SLC5A2: variants seen among roughly 807,000 people sequenced by gnomAD.
SLC5A2 encodes solute carrier family 5 member 2, also known as sodium/glucose cotransporter 2.
Under a neutral mutation model 69.0 loss-of-function variants are expected in SLC5A2, and 67 were observed. The observed-to-expected ratio is 0.97, with a 90% CI of 0.80 to 1.19. The LOEUF is 1.19. Ranked by LOEUF, SLC5A2 falls within the 50% of genes most tolerant of loss-of-function variation. The pLI, the probability that SLC5A2 is intolerant of heterozygous loss-of-function variation, is 0.00. For synonymous variants in SLC5A2, 455 were observed against 395.8 expected (o/e 1.15, Z -1.78); for missense variants, 1,001 against 921.5 (o/e 1.09, Z -1.12).
intron 2 of SLC5A2, 24 bp downstream of exon 2, chr16:31,484,768 G>T: frequency 6.2e-7 from 1 of 1,611,000 alleles, no homozygotes. Flanking sequence ...GGCCGGGAAC[G>T]GGAGGGGCCT....
rs748207966 is a variant in SLC5A2, at chr16:31,483,204, C to T, written c.68C>T (p.Pro23Leu). 3.1e-5 allele frequency: 50 copies of T among 1,613,964 alleles called. No homozygotes were observed. The highest frequency in any genetic ancestry group is 1.8e-4 in the Admixed American group (11 of 59,998). ...MGAQKALIDN[P>L]ADILVIAAYF... ...GCCCAGAAGGCCCTGATTGACAATC[C>T]TGCTGACATCCTAGTCATTGCTGCA... Residue 23 changes from proline to leucine, a missense_variant, in exon 1 of 14, where the codon CCT (proline) becomes CTT (leucine). Pro to Leu is a moderately conservative substitution (Grantham distance 98). Transcript: ENST00000330498.
rs1228607965 is a variant in SLC5A2, at chr16:31,489,026, T to C, written c.1427T>C (p.Phe476Ser). 6.2e-7 allele frequency: 1 copy of C among 1,600,654 alleles called. No homozygotes were observed. Among genetic ancestry groups the C allele is most frequent in the African/African-American group, 1.3e-5 (1 of 74,940 alleles). The change falls in exon 11 of 14, where the codon TTC becomes TCC. Residue 476 changes from phenylalanine (F) to serine (S), a missense_variant. Coordinates refer to ENST00000330498, the MANE Select transcript of SLC5A2 (RefSeq NM_003041.4). ...PVSAVFVLALFVPRVNEQGAF... is the reference protein window; with the variant it reads ...PVSAVFVLALSVPRVNEQGAF... ...TCCGCCGTCTTCGTGCTGGCGCTCT[T>C]CGTGCCGCGCGTTAATGAGCAGGTG...
Position 31,484,744 on chromosome 16 carries a change from G to A in SLC5A2, c.198G>A (p.Pro66=), listed in dbSNP as rs780951892. 19 of 1,610,410 alleles carry A rather than the reference G, an allele frequency of 1.2e-5. No homozygotes were observed. The highest frequency in any genetic ancestry group is 2.7e-5 in the African/African-American group (2 of 74,936). ...CAGGACGCAGCATGGTGTGGTGGCC[G>A]GTGAGACGGGCTGGGCCGGGAACGG... is the stretch of plus-strand genomic sequence containing the variant. ...FLAGRSMVWW[P]VGASLFASNI... Residue 66 remains proline (P), a splice_region_variant and synonymous_variant, in exon 2 of 14, where the codon CCG becomes CCA. Transcript: ENST00000330498.
Position 31,484,932 on chromosome 16 carries a change from C to T in SLC5A2, c.303+9C>T. On this transcript the variant is annotated intron_variant, in intron 3 of 13. Coordinates refer to ENST00000330498, the MANE Select transcript of SLC5A2 (RefSeq NM_003041.4). ...CTGGATTCGAGTGGAATGTGAGGCC[C>T]TCTTTTTTCCAATAACCCCACCCTC... 2 of 1,612,048 alleles carry T rather than the reference C, an allele frequency of 1.2e-6. No homozygotes were observed. The highest frequency in any genetic ancestry group is 1.7e-6 in the Non-Finnish European group (2 of 1,178,440).
At chr16:31,485,145 C>A (rs953918590) in intron 3 of SLC5A2, 2 of 635,112 alleles carry the variant, frequency 3.1e-6, no homozygotes, top group Admixed American at 4.5e-5. Flanking sequence ...TGTGAGCCAG[C>A]CTGCACCAGC....
chr16:31,490,014 C>A, intron 12 of SLC5A2, 90 bp from the exon 13 acceptor site: 3 of 1,551,124 alleles, frequency 1.9e-6, no homozygotes, highest in South Asian at 1.1e-5. Flanking sequence ...GTGGGTAGGG[C>A]AGGCAGTGAC....
rs149525864 is a variant in SLC5A2, at chr16:31,490,211, G to T, written c.1773G>T (p.Glu591Asp). ...SSLPVQNGCP[E>D]SAMEMNEPQA... is the part of the protein sequence containing the mutation. Reference sequence around the variant, plus strand: ...TCCCTGTACAGAATGGGTGCCCAGAGAGTGCCATGGAGATGAATGGTAGGG... The same window carrying T: ...TCCCTGTACAGAATGGGTGCCCAGATAGTGCCATGGAGATGAATGGTAGGG... The change falls in exon 13 of 14, where the codon GAG (glutamate) becomes GAT (aspartate). Residue 591 changes from glutamate to aspartate, a missense_variant. By Grantham distance (45) the Glu-to-Asp change is conservative. Coordinates refer to ENST00000330498, the MANE Select transcript of SLC5A2 (RefSeq NM_003041.4). 1.2e-3 allele frequency: 1,999 copies of T among 1,614,194 alleles called. 7 individuals carry two copies. The highest frequency in any genetic ancestry group is 1.5e-3 in the Non-Finnish European group (1,824 of 1,180,028).
At chr16:31,485,328 C>T (rs948915927) in intron 3 of SLC5A2, 14 of 441,320 alleles carry the variant, frequency 3.2e-5, no homozygotes, top group African/African-American at 2.6e-4. Context: ...GACTGAGGCT[C>T]CTGTTGGAGG....
At chr16:31,489,838 A>C in intron 12 of SLC5A2, 1 of 495,120 alleles carries the variant, frequency 2.0e-6, no homozygotes, top group Non-Finnish European at 3.7e-6. Flanking sequence ...CACAAGCGCT[A>C]CCATCTGGGT....
At chr16:31,485,685 G>T in intron 3 of SLC5A2, 44 bp from the exon 4 acceptor site, 1 of 1,606,642 alleles carries the variant, frequency 6.2e-7, no homozygotes, top group Non-Finnish European at 8.5e-7. Flanking sequence ...GATCCTCAGG[G>T]ATGAGGGCAA....
At chr16:31,489,850 T>C in intron 12 of SLC5A2, 1 of 522,984 alleles carries the variant, frequency 1.9e-6, no homozygotes, top group South Asian at 1.9e-5. Flanking sequence ...CATCTGGGTG[T>C]AGACAGACCT....
chr16:31,485,673 C>T, intron 3 of SLC5A2, 56 bp from the exon 4 acceptor site: 1 of 1,601,368 alleles, frequency 6.2e-7, no homozygotes, highest in Non-Finnish European at 8.5e-7. Flanking sequence ...ACGAAGAGGT[C>T]AGATCCTCAG....
In SLC5A2 at chr16:31,490,711, G is replaced by C. The variant is rs2082559492; in HGVS notation, c.*176G>C. The stretch of plus-strand genomic sequence containing the variant: ...TCTGATTGGCAGTCACTTCCCATGA[G>C]GGCCTGGCCCACCCGCTGCAGTTGC... On this transcript the variant is annotated 3_prime_UTR_variant, in exon 14 of 14. Coordinates refer to ENST00000330498, the MANE Select transcript of SLC5A2 (RefSeq NM_003041.4). 1.6e-6 allele frequency: 2 copies of C among 1,214,924 alleles called. No homozygotes were observed. Among genetic ancestry groups the C allele is most frequent in the Admixed American group, 1.8e-5 (1 of 55,422 alleles). 75.3% of individuals were successfully genotyped at this position (1,214,924 alleles called of 1,614,324 possible).
intron 5 of SLC5A2, 62 bp downstream of exon 5, chr16:31,486,337 G>A: frequency 1.5e-6 from 2 of 1,320,456 alleles, no homozygotes; most frequent in East Asian, 2.3e-5. Flanking sequence ...TGTGGCCAGG[G>A]TTTAGGGAGC....
intron 1 of SLC5A2, among the ~76,000 whole-genome samples, chr16:31,484,238 ACACACACACACACACACACG>A (rs915794061): frequency 6.7e-6 from 1 of 149,688 alleles, no homozygotes; most frequent in African/African-American, 2.5e-5. Flanking sequence ...ACACACACAC[ACACACACACACACACACACG>A]CACACACACA....
Position 31,488,785 on chromosome 16 carries a change from C to G in SLC5A2, c.1280+13C>G. The G allele has an allele frequency of 3.1e-6, 5 of 1,597,078 alleles. No individual in the cohort carries two copies. The highest frequency in any genetic ancestry group is 1.7e-5 in the Admixed American group (1 of 58,800). On this transcript the variant is annotated intron_variant, in intron 10 of 13. Transcript: ENST00000330498. ...TGCTGGTGGGACGGTGCGGCCTGGGCTCCCCTCCTCCCCAACGGATCAGCC... is the reference window on the plus strand; with the variant it reads ...TGCTGGTGGGACGGTGCGGCCTGGGGTCCCCTCCTCCCCAACGGATCAGCC...
chr16:31,488,213 G>T, intron 8 of SLC5A2, 40 bp downstream of exon 8: 1 of 1,613,748 alleles, frequency 6.2e-7, no homozygotes, highest in South Asian at 1.1e-5. Context: ...GCCAGCAACC[G>T]GGCGCCCGTC....
At chr16:31,487,839 C>A (rs2082511164) in intron 7 of SLC5A2, 80 bp downstream of exon 7, 8 of 1,464,160 alleles carry the variant, frequency 5.5e-6, no homozygotes, top group Non-Finnish European at 7.4e-6. Context: ...CCCGCCTTCC[C>A]CACAACGGTC....
intron 3 of SLC5A2, chr16:31,485,241 C>T (rs559179001): frequency 1.8e-5 from 9 of 510,844 alleles, no homozygotes; most frequent in East Asian, 3.6e-5. Flanking sequence ...AGATGCGCTC[C>T]GAAGCTGTGG....
Sources: allele counts gnomAD v4.1 joint callset (sites outside exome capture counted in the v4.1 genomes callset), GRCh38; gene constraint gnomAD v4.1.1; transcripts MANE v1.5; gene names NCBI Gene and HGNC (gene_info 2026-07-23, HGNC 2026-07-21).